Variants in RBPJ observed in about 807,000 individuals in gnomAD.
RBPJ encodes recombining binding protein suppressor of hairless.
In RBPJ, 9 loss-of-function variants were observed where a neutral mutation model predicts 67.8. The observed-to-expected ratio is 0.13, with a 90% CI of 0.08 to 0.23. The LOEUF is 0.23. Among genes scored for constraint, RBPJ ranks in the 10% least tolerant of loss-of-function variants. The probability of loss-of-function intolerance (pLI) is 1.00; values close to 1 mark genes in which losing one functional copy is unlikely to be tolerated. For synonymous variants in RBPJ, 198 were observed against 203.3 expected, an observed-to-expected ratio of 0.97 and a Z score of 0.22; for missense variants, 305 against 595.6, an observed-to-expected ratio of 0.51 and a Z score of 5.08.
upstream of RBPJ, among the ~76,000 whole-genome samples, chr4:26,315,167 A>AAAATATATATATATATATAT (rs1325689348): frequency 1.3e-5 from 1 of 74,754 alleles, no homozygotes; most frequent in Non-Finnish European, 2.3e-5. Context: ...AAAAAAAAAA[A>AAAATATATATATATATATAT]ATATATATAT....
chr4:26,345,226 G>A (rs1726006624), intron 1 of RBPJ, among the ~76,000 whole-genome samples: 2 of 152,186 alleles, frequency 1.3e-5, no homozygotes, highest in South Asian at 4.1e-4. Context: ...ACTACCAGTG[G>A]AATAATTAGC....
chr4:26,182,451 A>G (rs1360575957), intron 1 of RBPJ, among the ~76,000 whole-genome samples: 3 of 152,180 alleles, frequency 2.0e-5, no homozygotes, highest in South Asian at 2.1e-4. Context: ...TCCTTATTCT[A>G]AAAGCTTTTT....
chr4:26,393,059 C>T (rs955565757), intron 2 of RBPJ, among the ~76,000 whole-genome samples: 1 of 152,130 alleles, frequency 6.6e-6, no homozygotes, highest in African/African-American at 2.4e-5. Context: ...GTTGGCCAGG[C>T]TGGTCTCGAA....
At chr4:26,120,615 C>T in the RBPJ span, among the ~76,000 whole-genome samples, 1 of 151,430 alleles carries the variant, frequency 6.6e-6, no homozygotes, top group African/African-American at 2.4e-5. Context: ...CCATATTGCT[C>T]AATACCATAT....
At chr4:26,198,217 G>A (rs889994578) in intron 1 of RBPJ, among the ~76,000 whole-genome samples, 2 of 151,994 alleles carry the variant, frequency 1.3e-5, no homozygotes, top group Non-Finnish European at 2.9e-5. Flanking sequence ...TCGCGCCATT[G>A]CACTCCAGCT....
At chr4:26,272,621 G>C (rs944494496) in intron 1 of RBPJ, 13 of 440,312 alleles carry the variant, frequency 3.0e-5, no homozygotes, top group Admixed American at 7.4e-5. Flanking sequence ...CAAAACTACA[G>C]ATTTGGTTGC....
At chr4:26,215,517 G>A (rs908341447) in intron 1 of RBPJ, among the ~76,000 whole-genome samples, 2 of 152,074 alleles carry the variant, frequency 1.3e-5, no homozygotes, top group Admixed American at 1.3e-4. Context: ...AAGTTTGAAG[G>A]ACTCTTACAG....
intron 1 of RBPJ, among the ~76,000 whole-genome samples, chr4:26,308,874 T>C (rs1370154193): frequency 6.6e-6 from 1 of 152,222 alleles, no homozygotes; most frequent in Non-Finnish European, 1.5e-5. Flanking sequence ...AGGTTAATAG[T>C]AACATAGGCC....
chr4:26,390,183 G>A (rs980463759), intron 2 of RBPJ, among the ~76,000 whole-genome samples: 29 of 152,060 alleles, frequency 1.9e-4, no homozygotes, highest in Admixed American at 1.8e-3. Flanking sequence ...TAGTTATCTC[G>A]GGATTTAGAA....
In RBPJ at chr4:26,379,029, A is replaced by G. The variant is rs1224709454; in HGVS notation, c.21-7324A>G. ...CGACGGAGTGAGACTCTCCGTCTCA[A>G]TAAAATAAATAAATAAAATAAAATA... On this transcript the variant is annotated intron_variant, in intron 1 of 10. Coordinates refer to ENST00000355476, the MANE Select transcript of RBPJ (RefSeq NM_015874.6). 3.3e-5 allele frequency among the ~76,000 whole-genome samples: 5 copies of G among 152,294 alleles called. No individual in the cohort carries two copies. In the East Asian group the frequency reaches 9.7e-4, roughly 29 times the overall value.
intron 5 of RBPJ, among the ~76,000 whole-genome samples, chr4:26,422,224 G>A (rs1016392834): frequency 7.0e-6 from 1 of 143,766 alleles, no homozygotes; most frequent in Non-Finnish European, 1.5e-5. Flanking sequence ...TTTTTTTTTT[G>A]GTCATGTTGA....
At chr4:26,365,942 TG>T (rs1337071387) in intron 1 of RBPJ, among the ~76,000 whole-genome samples, 1 of 152,274 alleles carries the variant, frequency 6.6e-6, no homozygotes, top group Non-Finnish European at 1.5e-5. Flanking sequence ...TGTATTGTGA[TG>T]GTTATCAACT....
At chr4:26,166,429 A>G (rs1469552313) in intron 1 of RBPJ, among the ~76,000 whole-genome samples, 4 of 143,598 alleles carry the variant, frequency 2.8e-5, no homozygotes, top group African/African-American at 7.7e-5. Flanking sequence ...GTGAGATGGT[A>G]TCTCATTGTG....
At chr4:26,283,498 T>C (rs1441060354) in intron 1 of RBPJ, among the ~76,000 whole-genome samples, 1 of 151,490 alleles carries the variant, frequency 6.6e-6, no homozygotes, top group Admixed American at 6.6e-5. Flanking sequence ...TGAGCCGAGA[T>C]GGCGCACCTG....
intron 1 of RBPJ, among the ~76,000 whole-genome samples, chr4:26,182,581 C>A (rs1376923226): frequency 6.6e-6 from 1 of 150,950 alleles, no homozygotes; most frequent in African/African-American, 2.4e-5. Flanking sequence ...GCTGCCTCAA[C>A]CTCCTGGGTT....
chr4:26,169,155 T>C (rs1716449662), intron 1 of RBPJ, among the ~76,000 whole-genome samples: 1 of 152,178 alleles, frequency 6.6e-6, no homozygotes, highest in Non-Finnish European at 1.5e-5. Context: ...CTCTGCTTTT[T>C]AGAGTTTCCA....
chr4:26,215,599 G>A (rs1009782557), intron 1 of RBPJ, among the ~76,000 whole-genome samples: 2 of 152,132 alleles, frequency 1.3e-5, no homozygotes, highest in South Asian at 2.1e-4. Context: ...AGAAGTGAAC[G>A]ATTTTGCCGC....
At chr4:26,326,430 G>A (rs1577442458) in intron 1 of RBPJ, among the ~76,000 whole-genome samples, 1 of 152,074 alleles carries the variant, frequency 6.6e-6, no homozygotes, top group East Asian at 1.9e-4. Context: ...TTTATCAAAA[G>A]ATTCCATTAT....
chr4:26,174,633 C>T (rs564041701), intron 1 of RBPJ, among the ~76,000 whole-genome samples: 1 of 152,208 alleles, frequency 6.6e-6, no homozygotes, highest in South Asian at 2.1e-4. Context: ...CTATGCCTGA[C>T]TAATTTTTAT....
Sources: allele counts gnomAD v4.1 joint callset (sites outside exome capture counted in the v4.1 genomes callset), GRCh38; gene constraint gnomAD v4.1.1; transcripts MANE v1.5; gene names NCBI Gene and HGNC (gene_info 2026-07-23, HGNC 2026-07-21).